ARHGAP26: variants seen among roughly 807,000 people sequenced by gnomAD.
ARHGAP26 encodes the protein Rho GTPase activating protein 26, also known as rho GTPase-activating protein 26.
In ARHGAP26, 38 loss-of-function variants were observed where a neutral mutation model predicts 104.8. That is an observed-to-expected ratio of 0.36 (90% CI 0.28 to 0.48). The LOEUF (loss-of-function observed/expected upper bound fraction) is 0.48, where lower values mean the gene tolerates loss of function less well. Ranked by LOEUF, ARHGAP26 falls within the 20% of genes least tolerant of loss-of-function variation. The probability of loss-of-function intolerance (pLI) is 0.99; values close to 1 mark genes in which losing one functional copy is unlikely to be tolerated. For synonymous variants in ARHGAP26, 341 were observed against 340.0 expected (o/e 1.00, Z -0.03); for missense variants, 704 against 947.9 (o/e 0.74, Z 3.38).
At chr5:142,873,783 T>A (rs1409478607) in intron 2 of ARHGAP26, among the ~76,000 whole-genome samples, 2 of 152,058 alleles carry the variant, frequency 1.3e-5, no homozygotes, top group Non-Finnish European at 2.9e-5. Context: ...CTGGTGACAT[T>A]CTTCCCCTTC....
chr5:143,177,588 G>A, intron 20 of ARHGAP26, among the ~76,000 whole-genome samples: 1 of 152,206 alleles, frequency 6.6e-6, no homozygotes, highest in East Asian at 1.9e-4. Context: ...AAAAATTTCT[G>A]ATAGGCTTAG....
intron 11 of ARHGAP26, among the ~76,000 whole-genome samples, chr5:142,993,206 A>AGGC (rs1468043721): frequency 2.4e-5 from 3 of 124,052 alleles, no homozygotes; most frequent in African/African-American, 9.5e-5. Flanking sequence ...TCTGTCGCCC[A>AGGC]GGCCGGACTG....
At chr5:143,029,514 C>T (rs889942197) in intron 12 of ARHGAP26, among the ~76,000 whole-genome samples, 1 of 148,068 alleles carries the variant, frequency 6.8e-6, no homozygotes, top group African/African-American at 2.5e-5. Context: ...AAGCCATCAT[C>T]CTGCCTCAGC....
intron 18 of ARHGAP26, among the ~76,000 whole-genome samples, chr5:143,121,634 GTGTTGTATTTTT>G (rs2150795279): frequency 6.6e-6 from 1 of 152,178 alleles, no homozygotes; most frequent in Admixed American, 6.5e-5. Context: ...TTTATAAATG[GTGTTGTATTTTT>G]TGTACCGTTT....
At chr5:142,778,819 ATTTGG>A (rs1392215625) in intron 1 of ARHGAP26, among the ~76,000 whole-genome samples, 1 of 152,084 alleles carries the variant, frequency 6.6e-6, no homozygotes, top group Non-Finnish European at 1.5e-5. Flanking sequence ...CCGGTTGATA[ATTTGG>A]TGCTCCTTTG....
intron 14 of ARHGAP26, among the ~76,000 whole-genome samples, chr5:143,045,943 G>A (rs900543423): frequency 2.6e-5 from 4 of 152,108 alleles, no homozygotes; most frequent in Admixed American, 6.5e-5. Flanking sequence ...GACCAGCCTC[G>A]CCAAATAGTG....
chr5:142,953,987 G>T (rs1768805909), intron 11 of ARHGAP26, among the ~76,000 whole-genome samples: 1 of 152,110 alleles, frequency 6.6e-6, no homozygotes, highest in Non-Finnish European at 1.5e-5. Flanking sequence ...GTCTCCTTTG[G>T]ACCACCAAGG....
At position 143,222,498 on chromosome 5, in the gene ARHGAP26, C is replaced by T; in HGVS notation, c.*52C>T. 4.2e-6 allele frequency: 6 copies of T among 1,437,142 alleles called. No homozygotes were observed. The highest frequency in any genetic ancestry group is 5.7e-6 in the Non-Finnish European group (6 of 1,054,592). The allele number at this position is 1,437,142 out of a possible 1,614,324, so 89.0% of individuals were successfully genotyped here. A position where few individuals can be genotyped will look rare whatever the true frequency, so the allele number is the denominator to read the frequency against. On this transcript the variant is annotated 3_prime_UTR_variant, in exon 23 of 23. Coordinates refer to ENST00000645722, the MANE Select transcript of ARHGAP26 (RefSeq NM_001135608.3). ...CTTTACATGGTATCCATGACAACTG[C>T]TGATTCCAGTGTCGAGGCCATTTCT...
chr5:143,127,288 T>C (rs1796829947), intron 18 of ARHGAP26, among the ~76,000 whole-genome samples: 1 of 152,220 alleles, frequency 6.6e-6, no homozygotes, highest in South Asian at 2.1e-4. Flanking sequence ...CTGTGTCTTG[T>C]GGCTGTGGCA....
At chr5:143,061,724 C>G (rs1786736465) in intron 17 of ARHGAP26, among the ~76,000 whole-genome samples, 1 of 152,184 alleles carries the variant, frequency 6.6e-6, no homozygotes, top group South Asian at 2.1e-4. Flanking sequence ...TGGTTAGTTT[C>G]TCAGCTCATG....
Position 143,227,086 on chromosome 5 carries a change from G to A in ARHGAP26, c.*4640G>A, listed in dbSNP as rs767206053. ...ATAACCTGATCCCTGCCTGTCTGTTGGCACCTGTCATCCTCTGGCTTCTGC... is the reference window on the plus strand; with the variant it reads ...ATAACCTGATCCCTGCCTGTCTGTTAGCACCTGTCATCCTCTGGCTTCTGC... On this transcript the variant is annotated 3_prime_UTR_variant, in exon 23 of 23. Transcript: ENST00000645722. 26 of 230,572 alleles carry A rather than the reference G, an allele frequency of 1.1e-4. No individual in the cohort carries two copies. Among genetic ancestry groups the A allele is most frequent in the Non-Finnish European group, 2.1e-4 (25 of 116,528 alleles). 14.3% of individuals were successfully genotyped at this position (230,572 alleles called of 1,614,324 possible). A position where few individuals can be genotyped will look rare whatever the true frequency, so the allele number is the denominator to read the frequency against.
chr5:143,156,631 G>A (rs1279858403), intron 20 of ARHGAP26, among the ~76,000 whole-genome samples: 3 of 152,228 alleles, frequency 2.0e-5, no homozygotes, highest in Non-Finnish European at 4.4e-5. Flanking sequence ...GATCTAGTGC[G>A]TTAAGCTCAT....
chr5:142,894,239 C>G lies in ARHGAP26; in HGVS notation c.488C>G (p.Ala163Gly). 1 of 1,613,444 alleles carries G rather than the reference C, an allele frequency of 6.2e-7. No homozygotes were observed. Among genetic ancestry groups the G allele is most frequent in the Non-Finnish European group, 8.5e-7 (1 of 1,179,588 alleles). The change falls in exon 6 of 23, where the codon GCA (alanine) becomes GGA (glycine). Residue 163 changes from alanine to glycine, a missense_variant and splice_region_variant. Coordinates refer to ENST00000645722, the MANE Select transcript of ARHGAP26 (RefSeq NM_001135608.3). ...TCTTAAATTCCATCTTGTTTGTAGG[C>G]AGACAGCCAAGTGGACCTGGTCCGG... ...SKKKESQLQEADSQVDLVRQH... is the reference protein window; with the variant it reads ...SKKKESQLQEGDSQVDLVRQH...
chr5:142,797,332 T>C (rs150486824), intron 1 of ARHGAP26, among the ~76,000 whole-genome samples: 271 of 152,336 alleles, frequency 1.8e-3, no homozygotes, highest in Admixed American at 3.7e-3. Context: ...TATAATTAGA[T>C]AGAATTGTGA....
At chr5:143,092,883 G>C (rs1348367409) in intron 17 of ARHGAP26, among the ~76,000 whole-genome samples, 1 of 151,874 alleles carries the variant, frequency 6.6e-6, no homozygotes, top group African/African-American at 2.4e-5. Flanking sequence ...TCCTAACTCT[G>C]CTTCTTCAAG....
At chr5:143,049,497 A>G (rs1193728057) in intron 14 of ARHGAP26, among the ~76,000 whole-genome samples, 1 of 152,082 alleles carries the variant, frequency 6.6e-6, no homozygotes, top group Non-Finnish European at 1.5e-5. Context: ...CCTGGCATCC[A>G]TATTTTTAGG....
In ARHGAP26 at chr5:143,056,048, T is replaced by C. The variant is rs1231135797; in HGVS notation, c.1394T>C (p.Met465Thr). The C allele has an allele frequency of 6.2e-7, 1 of 1,613,344 alleles. No individual in the cohort carries two copies. Among genetic ancestry groups the C allele is most frequent in the Non-Finnish European group, 8.5e-7 (1 of 1,179,626 alleles). ...TYLRMLPGPLMMYQFQRSFIK... is the reference protein window; with the variant it reads ...TYLRMLPGPLTMYQFQRSFIK... ...TCCAGAATGCTTCCAGGACCACTCA[T>C]GATGTACCAGTTTCAAAGAAGTTTC... Residue 465 changes from methionine to threonine, a missense_variant, in exon 16 of 23, where the codon ATG becomes ACG. Met to Thr is a moderately conservative substitution (Grantham distance 81, BLOSUM62 -1). Transcript: ENST00000645722.
chr5:142,816,071 T>C (rs1452164415), intron 1 of ARHGAP26, among the ~76,000 whole-genome samples: 1 of 152,152 alleles, frequency 6.6e-6, no homozygotes, highest in Non-Finnish European at 1.5e-5. Context: ...GTATTGGGAT[T>C]ACAGGTGTGA....
At chr5:143,025,580 A>G (rs1477305091) in intron 12 of ARHGAP26, among the ~76,000 whole-genome samples, 1 of 152,214 alleles carries the variant, frequency 6.6e-6, no homozygotes, top group Non-Finnish European at 1.5e-5. Context: ...CCAGATCCCC[A>G]TGTAGGAGAC....
Sources: allele counts gnomAD v4.1 joint callset (sites outside exome capture counted in the v4.1 genomes callset), GRCh38; gene constraint gnomAD v4.1.1; transcripts MANE v1.5; gene names NCBI Gene and HGNC (gene_info 2026-07-23, HGNC 2026-07-21).